PARD3B: variants seen among roughly 807,000 people sequenced by gnomAD.
PARD3B encodes partitioning defective 3 homolog B.
PARD3B carries 103 observed loss-of-function variants against 130.2 expected under a neutral mutation model. That is an observed-to-expected ratio of 0.79 (90% confidence interval 0.67 to 0.93). The LOEUF (loss-of-function observed/expected upper bound fraction) is 0.93. PARD3B is among the 40% of genes least tolerant of loss of function. PARD3B has a pLI of 0.00. For missense variants in PARD3B, 1,609 were observed against 1,499.2 expected, an observed-to-expected ratio of 1.07 and a Z score of -1.21; for synonymous variants, 583 against 553.2, an observed-to-expected ratio of 1.05 and a Z score of -0.76.
At chr2:204,992,018 G>T (rs996755475) in intron 3 of PARD3B, among the ~76,000 whole-genome samples, 25 of 152,068 alleles carry the variant, frequency 1.6e-4, no homozygotes, top group South Asian at 1.5e-3. Context: ...TTTCTCCCAT[G>T]TTGTAGGTTG....
At chr2:205,001,938 G>A (rs1237912708) in intron 3 of PARD3B, among the ~76,000 whole-genome samples, 1 of 152,190 alleles carries the variant, frequency 6.6e-6, no homozygotes, top group Non-Finnish European at 1.5e-5. Context: ...TGAAGAAAAG[G>A]AGAAGTAGAA....
At chr2:205,252,845 C>CCA (rs2039911779) in intron 16 of PARD3B, among the ~76,000 whole-genome samples, 7 of 137,476 alleles carry the variant, frequency 5.1e-5, no homozygotes, top group South Asian at 5.2e-4. Context: ...GGGACCCCCC[C>CCA]CCCCCACCAA....
At position 205,007,860 on chromosome 2, in the gene PARD3B, A is replaced by AT. The variant is rs541583946; in HGVS notation, c.395-39713dup. Among the ~76,000 whole-genome samples the AT allele has an allele frequency of 8.0e-4, 122 of 151,896 alleles. 1 individual carries two copies. Among genetic ancestry groups the AT allele is most frequent in the African/African-American group, 2.8e-3 (115 of 41,406 alleles). ...TCCATTTGTTTCAACGAAATCTATG[A>AT]TTTTTTTTAGAAGTGTTTAATTGTT... On this transcript the variant is annotated intron_variant, in intron 3 of 22. Transcript: ENST00000406610.
intron 2 of PARD3B, among the ~76,000 whole-genome samples, chr2:204,956,200 G>A (rs1222728344): frequency 6.6e-6 from 1 of 152,200 alleles, no homozygotes; most frequent in Non-Finnish European, 1.5e-5. Context: ...ATATACCTAT[G>A]GATGGTGGTG....
At position 205,458,919 on chromosome 2, in the gene PARD3B, T is replaced by C. The variant is rs1233172833; in HGVS notation, c.3044+18247T>C. 6.6e-6 allele frequency among the ~76,000 whole-genome samples: 1 copy of C among 152,162 alleles called. No homozygotes were observed. The highest frequency in any genetic ancestry group is 1.5e-5 in the Non-Finnish European group (1 of 68,004). Reference sequence around the variant, plus strand: ...ATTGAGATCACTAGAAGCTGGATTTTAGTTATGTGAGGGGTAGTGTATTAG... The same window carrying C: ...ATTGAGATCACTAGAAGCTGGATTTCAGTTATGTGAGGGGTAGTGTATTAG... On this transcript the variant is annotated intron_variant, in intron 20 of 22. Coordinates refer to ENST00000406610, the MANE Select transcript of PARD3B (RefSeq NM_001302769.2). This position sits in a 1 kb window ranked among gnomAD's most constrained non-coding sequence, Gnocchi z 4.8.
intron 18 of PARD3B, among the ~76,000 whole-genome samples, chr2:205,320,442 A>G (rs1461344875): frequency 1.3e-5 from 2 of 152,240 alleles, no homozygotes; most frequent in Non-Finnish European, 2.9e-5. Flanking sequence ...TAAACTCTAA[A>G]TCTAACTGTC....
intron 2 of PARD3B, among the ~76,000 whole-genome samples, chr2:204,691,601 G>C (rs756140088): frequency 5.9e-5 from 9 of 152,070 alleles, no homozygotes; most frequent in Non-Finnish European, 1.0e-4. Flanking sequence ...CAGGGTTGGT[G>C]TAGGAAAACT....
intron 18 of PARD3B, among the ~76,000 whole-genome samples, chr2:205,389,393 G>A (rs1559045242): frequency 6.6e-6 from 1 of 152,026 alleles, no homozygotes; most frequent in Non-Finnish European, 1.5e-5. Flanking sequence ...ACGGGGTTTC[G>A]TTCTTGTCAC....
intron 7 of PARD3B, 151 bp downstream of exon 7, chr2:205,119,197 T>C (rs16836973): frequency 7.2e-6 from 8 of 1,104,258 alleles, no homozygotes. Context: ...GCTTCTAATG[T>C]TTTAGCCTAC....
intron 16 of PARD3B, among the ~76,000 whole-genome samples, chr2:205,289,715 A>G (rs2041531392): frequency 6.6e-6 from 1 of 152,314 alleles, no homozygotes; most frequent in African/African-American, 2.4e-5. Context: ...TTCATAAATT[A>G]GTGGATTAAA....
intron 21 of PARD3B, among the ~76,000 whole-genome samples, chr2:205,508,995 C>T (rs777536125): frequency 4.5e-4 from 68 of 150,952 alleles, no homozygotes; most frequent in Non-Finnish European, 7.8e-4. Flanking sequence ...GGCTTTGGCC[C>T]TTTTATATTT....
At chr2:204,552,571 C>A (rs1256620583) in intron 1 of PARD3B, among the ~76,000 whole-genome samples, 1 of 152,134 alleles carries the variant, frequency 6.6e-6, no homozygotes, top group African/African-American at 2.4e-5. Flanking sequence ...GAAATCCTTG[C>A]CTAAGCCAAT....
intron 1 of PARD3B, among the ~76,000 whole-genome samples, chr2:204,630,778 G>T: frequency 6.6e-6 from 1 of 151,994 alleles, no homozygotes; most frequent in East Asian, 1.9e-4. Context: ...ATTCTCTGAT[G>T]GTTGGTTGTA....
At chr2:205,132,730 G>A (rs186713936) in intron 10 of PARD3B, among the ~76,000 whole-genome samples, 2 of 152,220 alleles carry the variant, frequency 1.3e-5, no homozygotes, top group East Asian at 3.9e-4. Flanking sequence ...TCCCTGCTTT[G>A]CAATTTCATT....
intron 2 of PARD3B, among the ~76,000 whole-genome samples, chr2:204,861,231 A>G (rs1166255843): frequency 1.6e-5 from 2 of 126,074 alleles, no homozygotes; most frequent in Admixed American, 1.8e-4. Flanking sequence ...CTTATTTGAT[A>G]TTGTGTTTCC....
chr2:205,573,488 G>A (rs2053631876), intron 22 of PARD3B, among the ~76,000 whole-genome samples: 1 of 152,110 alleles, frequency 6.6e-6, no homozygotes, highest in South Asian at 2.1e-4. Context: ...AGAACTCAAA[G>A]TCATCCATGG....
intron 18 of PARD3B, among the ~76,000 whole-genome samples, chr2:205,396,339 G>C (rs73065009): frequency 1.6e-4 from 24 of 152,082 alleles, no homozygotes; most frequent in African/African-American, 5.8e-4. Context: ...GTGTGGTTTT[G>C]TATGCCAACA....
chr2:205,486,680 C>T (rs557162118), intron 20 of PARD3B, among the ~76,000 whole-genome samples: 3 of 152,026 alleles, frequency 2.0e-5, no homozygotes, highest in Middle Eastern at 3.4e-3. Context: ...GGAGGAAAGG[C>T]GCTACACACT....
At chr2:204,558,275 A>G (rs922180116) in intron 1 of PARD3B, 3 of 152,192 alleles carry the variant, frequency 2.0e-5, no homozygotes, top group Non-Finnish European at 4.4e-5. Flanking sequence ...TGCAGATGAC[A>G]TGATTGTGTA....
Sources: allele counts gnomAD v4.1 joint callset (sites outside exome capture counted in the v4.1 genomes callset), GRCh38; gene constraint gnomAD v4.1.1; non-coding constraint Gnocchi (gnomAD v3.1); transcripts MANE v1.5; gene names NCBI Gene and HGNC (gene_info 2026-07-23, HGNC 2026-07-21).